Variants in TMEM232 observed in about 807,000 individuals in gnomAD.
TMEM232 encodes transmembrane protein 232.
In TMEM232, 80 loss-of-function variants were observed where a neutral mutation model predicts 78.8. The observed-to-expected ratio is 1.01, with a 90% CI of 0.85 to 1.22. TMEM232 has a LOEUF of 1.22. Among genes scored for constraint, TMEM232 ranks in the 50% most tolerant of loss-of-function variants. The pLI is 0.00. For missense variants in TMEM232, 881 were observed against 742.2 expected (o/e 1.19, Z -2.17); for synonymous variants, 297 against 254.3 (o/e 1.17, Z -1.60).
chr5:110,735,094 A>C (rs949547968), intron 1 of TMEM232: 1 of 152,244 alleles, frequency 6.6e-6, no homozygotes, highest in Non-Finnish European at 1.5e-5. Flanking sequence ...TAGGTGCTTA[A>C]TATATGTTGC....
chr5:110,508,020 G>T lies in TMEM232; in HGVS notation c.1703+20568C>A, dbSNP rs550563756. On this transcript the variant is annotated intron_variant, in intron 12 of 13. Transcript: ENST00000455884. The stretch of plus-strand genomic sequence containing the variant: ...CAGCCAACTGTGTTCAGAATTCTCT[G>T]TGACAATGTTGGCTTGCTTACATAA... 9.2e-5 allele frequency among the ~76,000 whole-genome samples: 14 copies of T among 152,268 alleles called. No homozygotes were observed. In the South Asian group the frequency reaches 1.2e-3, roughly 14 times the overall value.
rs1054204947 is a variant in TMEM232 at position 110,481,517 on chromosome 5, C to T, written c.1703+47071G>A. Among the ~76,000 whole-genome samples, 9 of 152,106 alleles carry T rather than the reference C, an allele frequency of 5.9e-5. 1 individual carries two copies. The highest frequency in any genetic ancestry group is 4.6e-4 in the Admixed American group (7 of 15,248). ...AGCAAATCCCTGAAAATAAGTACCT[C>T]TCCCCTCCGCACACACACATAAACC... On this transcript the variant is annotated intron_variant, in intron 12 of 13. Coordinates refer to ENST00000455884, the MANE Select transcript of TMEM232 (RefSeq NM_001039763.4).
chr5:110,446,346 G>A (rs1245479539), intron 12 of TMEM232, among the ~76,000 whole-genome samples: 1 of 152,104 alleles, frequency 6.6e-6, no homozygotes, highest in Non-Finnish European at 1.5e-5. Flanking sequence ...TCAGAATTCT[G>A]TTTCAAAATT....
At chr5:110,621,926 T>C (rs1783802067) in intron 7 of TMEM232, among the ~76,000 whole-genome samples, 1 of 152,188 alleles carries the variant, frequency 6.6e-6, no homozygotes, top group Admixed American at 6.6e-5. Flanking sequence ...TTAGATTTTA[T>C]GCAAATTTAA....
chr5:110,675,334 C>A (rs1253917847), intron 1 of TMEM232, among the ~76,000 whole-genome samples: 1 of 152,042 alleles, frequency 6.6e-6, no homozygotes. Context: ...CATGAGCCAC[C>A]GTGCCTGGCC....
At chr5:110,430,107 G>A (rs1384684315) in intron 12 of TMEM232, 1 of 151,168 alleles carries the variant, frequency 6.6e-6, no homozygotes. Context: ...AACTTCTGGA[G>A]TTAAGAGGGA....
intron 10 of TMEM232, among the ~76,000 whole-genome samples, chr5:110,569,231 A>T (rs928601521): frequency 4.6e-5 from 7 of 151,932 alleles, no homozygotes; most frequent in African/African-American, 1.7e-4. Flanking sequence ...TCTAGAACTT[A>T]TATAGCAATT....
intron 12 of TMEM232, among the ~76,000 whole-genome samples, chr5:110,524,353 A>T (rs1770097658): frequency 8.3e-6 from 1 of 120,368 alleles, no homozygotes; most frequent in African/African-American, 3.4e-5. Flanking sequence ...AAGAGAAAGA[A>T]AGAAAGAAAA....
At chr5:110,674,452 C>T (rs929181811) in intron 1 of TMEM232, among the ~76,000 whole-genome samples, 6 of 152,038 alleles carry the variant, frequency 3.9e-5, no homozygotes, top group South Asian at 2.1e-4. Context: ...TAGTCTTTTA[C>T]GTATTGAGTT....
intron 12 of TMEM232, among the ~76,000 whole-genome samples, chr5:110,501,209 C>T (rs1766226659): frequency 6.6e-6 from 1 of 152,062 alleles, no homozygotes; most frequent in African/African-American, 2.4e-5. Context: ...ACTGCCTTCC[C>T]TGGTACTAAG....
At chr5:110,642,136 T>C in intron 3 of TMEM232, 124 bp downstream of exon 3, 1 of 540,416 alleles carries the variant, frequency 1.9e-6, no homozygotes, top group Non-Finnish European at 3.0e-6. Flanking sequence ...ATATTTTAAC[T>C]ATCCCTACTT....
At chr5:110,686,237 G>C (rs1793388856) in intron 1 of TMEM232, among the ~76,000 whole-genome samples, 3 of 151,996 alleles carry the variant, frequency 2.0e-5, no homozygotes, top group Admixed American at 2.0e-4. Flanking sequence ...GACACTCTAG[G>C]ACTTCAGAGG....
chr5:110,707,277 C>T (rs1358313088), intron 1 of TMEM232, among the ~76,000 whole-genome samples: 2 of 152,074 alleles, frequency 1.3e-5, no homozygotes, highest in African/African-American at 2.4e-5. Flanking sequence ...CATGAATCAC[C>T]GAAACCACAC....
intron 12 of TMEM232, among the ~76,000 whole-genome samples, chr5:110,465,522 G>C (rs1474129783): frequency 6.6e-6 from 1 of 152,012 alleles, no homozygotes; most frequent in Non-Finnish European, 1.5e-5. Flanking sequence ...TTGTGTATAT[G>C]TTTATTTGAT....
Position 110,622,280 on chromosome 5 carries a change from A to G in TMEM232, c.768+2987T>C, listed in dbSNP as rs143998696. Among the ~76,000 whole-genome samples, 5 of 152,334 alleles carry G rather than the reference A, an allele frequency of 3.3e-5. No homozygotes were observed. The East Asian group carries it at 7.7e-4, about 24-fold the overall frequency. ...GTATTACAGAATGAGATTGCTAATC[A>G]TACTAGAATGTAAACTCTGTCTTTG... On this transcript the variant is annotated intron_variant, in intron 7 of 13. Transcript: ENST00000455884.
intron 12 of TMEM232, among the ~76,000 whole-genome samples, chr5:110,498,989 A>G (rs1270126724): frequency 6.6e-6 from 1 of 152,232 alleles, no homozygotes; most frequent in African/African-American, 2.4e-5. Context: ...TGATACAATA[A>G]TAAGGAGGCT....
At chr5:110,513,134 G>A (rs953374726) in intron 12 of TMEM232, among the ~76,000 whole-genome samples, 1 of 152,284 alleles carries the variant, frequency 6.6e-6, no homozygotes, top group Admixed American at 6.5e-5. Flanking sequence ...CAGATAGATA[G>A]ATAGAAATTG....
At chr5:110,681,898 G>A (rs1418244934) in intron 1 of TMEM232, among the ~76,000 whole-genome samples, 2 of 152,096 alleles carry the variant, frequency 1.3e-5, no homozygotes, top group East Asian at 3.9e-4. Flanking sequence ...AGAGCATGTT[G>A]ACTTGTGAAT....
chr5:110,390,793 G>T (rs1755146251), intron 3 of TMEM232, among the ~76,000 whole-genome samples: 1 of 152,188 alleles, frequency 6.6e-6, no homozygotes, highest in Non-Finnish European at 1.5e-5. Flanking sequence ...TGGTAAAAAT[G>T]GTACTTTGGT....
Sources: gnomAD v4.1 joint callset for allele counts (sites outside exome capture counted in the v4.1 genomes callset) on GRCh38, gnomAD v4.1.1 for gene constraint, MANE v1.5 for transcripts, NCBI Gene and HGNC (gene_info 2026-07-23, HGNC 2026-07-21) for gene names.